Variants in SCFD2 observed in about 807,000 individuals in gnomAD.
SCFD2 encodes sec1 family domain-containing protein 2.
In SCFD2, 54 loss-of-function variants were observed where a neutral mutation model predicts 58.9. That is an observed-to-expected ratio of 0.92 (90% CI 0.74 to 1.15). The LOEUF is 1.15. SCFD2 is among the 50% of genes most tolerant of loss of function. The probability of loss-of-function intolerance (pLI) is 0.00; values close to 1 mark genes in which losing one functional copy is unlikely to be tolerated. For synonymous variants in SCFD2, 321 were observed against 335.9 expected (o/e 0.96, Z 0.49); for missense variants, 805 against 836.6 (o/e 0.96, Z 0.47).
chr4:53,248,687 C>G (rs952353834), intron 4 of SCFD2, among the ~76,000 whole-genome samples: 3 of 151,988 alleles, frequency 2.0e-5, no homozygotes, highest in East Asian at 1.9e-4. Context: ...CAGCCGGGTA[C>G]TCCTCAGGGT....
chr4:53,296,032 G>A (rs573926537), intron 3 of SCFD2, among the ~76,000 whole-genome samples: 3 of 152,126 alleles, frequency 2.0e-5, no homozygotes, highest in Admixed American at 6.5e-5. Flanking sequence ...TGCTGGATTC[G>A]GTTTCCCAGT....
chr4:53,084,339 T>C (rs188260992), intron 5 of SCFD2, among the ~76,000 whole-genome samples: 1 of 152,242 alleles, frequency 6.6e-6, no homozygotes, highest in African/African-American at 2.4e-5. Flanking sequence ...AAAATATGGC[T>C]CTTTTTGCCC....
chr4:53,361,911 C>T (rs140848248), intron 1 of SCFD2, among the ~76,000 whole-genome samples: 26 of 152,228 alleles, frequency 1.7e-4, no homozygotes, highest in Admixed American at 1.4e-3. Context: ...CTGGTATCTA[C>T]GACCTTTAAT....
intron 5 of SCFD2, among the ~76,000 whole-genome samples, chr4:53,022,940 C>T (rs192240532): frequency 7.9e-5 from 12 of 151,994 alleles, no homozygotes; most frequent in East Asian, 3.9e-4. Flanking sequence ...ATGAATGGGG[C>T]GCCAAGGTAA....
intron 5 of SCFD2, among the ~76,000 whole-genome samples, chr4:53,054,660 T>C (rs1432343167): frequency 6.6e-6 from 1 of 151,742 alleles, no homozygotes; most frequent in Non-Finnish European, 1.5e-5. Context: ...TTTTTGTTTG[T>C]TTTTGTTTTT....
intron 8 of SCFD2, among the ~76,000 whole-genome samples, chr4:52,880,388 G>A (rs947223244): frequency 2.6e-5 from 4 of 151,782 alleles, no homozygotes; most frequent in East Asian, 3.9e-4. Context: ...AGGGCAAGGC[G>A]GGTGGATCAC....
chr4:53,243,124 C>T lies in SCFD2; in HGVS notation c.1311+30702G>A, dbSNP rs115889765. ...GGCCAACATTCAAATTCAGAAACTG[C>T]AGAGAACCCCAGGAAAATACTTTAC... is the stretch of plus-strand genomic sequence containing the variant. On this transcript the variant is annotated intron_variant, in intron 4 of 8. Coordinates refer to ENST00000401642, the MANE Select transcript of SCFD2 (RefSeq NM_152540.4). Among the ~76,000 whole-genome samples the T allele has an allele frequency of 7.4e-3, 1,121 of 152,244 alleles. 7 individuals carry two copies. The highest frequency in any genetic ancestry group is 0.026 in the African/African-American group (1,065 of 41,546).
At chr4:53,227,235 T>C (rs1729247407) in intron 4 of SCFD2, among the ~76,000 whole-genome samples, 1 of 152,164 alleles carries the variant, frequency 6.6e-6, no homozygotes, top group South Asian at 2.1e-4. Context: ...CATAGAAAGG[T>C]GACAAAATTA....
At chr4:53,164,125 A>G (rs1263500481) in intron 4 of SCFD2, among the ~76,000 whole-genome samples, 1 of 152,146 alleles carries the variant, frequency 6.6e-6, no homozygotes, top group Non-Finnish European at 1.5e-5. Context: ...TCTATAAGGT[A>G]CTGTATATTT....
intron 5 of SCFD2, among the ~76,000 whole-genome samples, chr4:53,086,866 T>C (rs1724321336): frequency 6.6e-6 from 1 of 152,064 alleles, no homozygotes; most frequent in Admixed American, 6.6e-5. Context: ...AGTAGATGGA[T>C]AGTTATCAGA....
chr4:53,253,824 G>T (rs1730493573), intron 4 of SCFD2, among the ~76,000 whole-genome samples: 1 of 150,044 alleles, frequency 6.7e-6, no homozygotes, highest in East Asian at 2.0e-4. Context: ...CACCAGCATG[G>T]CACATGTATA....
At chr4:53,282,937 A>C (rs1731550551) in intron 3 of SCFD2, among the ~76,000 whole-genome samples, 1 of 152,226 alleles carries the variant, frequency 6.6e-6, no homozygotes, top group Admixed American at 6.5e-5. Flanking sequence ...TTTTCTTGGA[A>C]TATCTGAAAA....
At chr4:52,976,851 C>T (rs1161535322) in intron 5 of SCFD2, among the ~76,000 whole-genome samples, 2 of 152,122 alleles carry the variant, frequency 1.3e-5, no homozygotes, top group Non-Finnish European at 2.9e-5. Context: ...GACAGGCAGC[C>T]TTGATAGGAG....
chr4:53,363,489 A>G (rs1734605550), intron 1 of SCFD2, among the ~76,000 whole-genome samples: 1 of 151,754 alleles, frequency 6.6e-6, no homozygotes, highest in African/African-American at 2.4e-5. Flanking sequence ...ACTTGACTAC[A>G]TTATATTGTA....
At chr4:53,215,354 G>A (rs1283665408) in intron 4 of SCFD2, among the ~76,000 whole-genome samples, 3 of 152,084 alleles carry the variant, frequency 2.0e-5, no homozygotes, top group African/African-American at 7.3e-5. Flanking sequence ...AGTTCTCCTT[G>A]AAGAGGTCCT....
chr4:53,270,321 T>C (rs957250073), intron 4 of SCFD2, among the ~76,000 whole-genome samples: 1 of 148,138 alleles, frequency 6.8e-6, no homozygotes, highest in African/African-American at 2.5e-5. Context: ...AATGCATCAC[T>C]AAAAAAAAAA....
At chr4:53,207,738 G>A (rs4529117) in intron 4 of SCFD2, among the ~76,000 whole-genome samples, 15,934 of 142,754 alleles carry the variant, frequency 0.11, 1,002 homozygotes, top group East Asian at 0.24. Flanking sequence ...CAGGAGATTT[G>A]GTTGTTTAAA....
At chr4:53,281,736 T>C (rs193231081) in intron 3 of SCFD2, among the ~76,000 whole-genome samples, 4 of 152,344 alleles carry the variant, frequency 2.6e-5, no homozygotes, top group African/African-American at 4.8e-5. Context: ...CCCTCACCAG[T>C]TGGTTATCTC....
At chr4:53,219,862 T>C (rs116638191) in intron 4 of SCFD2, among the ~76,000 whole-genome samples, 375 of 152,278 alleles carry the variant, frequency 2.5e-3, no homozygotes, top group African/African-American at 8.7e-3. Context: ...ATAATAATAA[T>C]GGTTACTACT....
Sources: allele counts gnomAD v4.1 joint callset (sites outside exome capture counted in the v4.1 genomes callset), GRCh38; gene constraint gnomAD v4.1.1; transcripts MANE v1.5; gene names NCBI Gene and HGNC (gene_info 2026-07-23, HGNC 2026-07-21).